ATP9B: variants seen among roughly 807,000 people sequenced by gnomAD.
ATP9B encodes the protein probable phospholipid-transporting ATPase IIB.
A neutral mutation model predicts 146.1 loss-of-function variants in ATP9B; 110 were observed. That is an observed-to-expected ratio of 0.75 (90% CI 0.65 to 0.88). The LOEUF (loss-of-function observed/expected upper bound fraction) is 0.88. Among genes scored for constraint, ATP9B ranks in the 40% least tolerant of loss-of-function variants. The pLI is 0.00. For missense variants in ATP9B, 1,499 were observed against 1,496.4 expected, an observed-to-expected ratio of 1.00 and a Z score of -0.03; for synonymous variants, 604 against 569.7, an observed-to-expected ratio of 1.06 and a Z score of -0.86.
At chr18:79,241,325 G>A (rs1420317390) in intron 11 of ATP9B, among the ~76,000 whole-genome samples, 3 of 152,008 alleles carry the variant, frequency 2.0e-5, no homozygotes, top group African/African-American at 2.4e-5. Context: ...TTATGGCCTC[G>A]CTACCTAGGG....
intron 4 of ATP9B, among the ~76,000 whole-genome samples, chr18:79,116,940 T>TAAAAAAAAAAAA (rs377608135): frequency 9.4e-6 from 1 of 106,800 alleles, no homozygotes; most frequent in Non-Finnish European, 1.9e-5. Flanking sequence ...AAAAAAAAAT[T>TAAAAAAAAAAAA]AAAAAAAAAA....
chr18:79,185,158 G>A (rs886844771), intron 8 of ATP9B, among the ~76,000 whole-genome samples: 2 of 151,866 alleles, frequency 1.3e-5, no homozygotes, highest in Non-Finnish European at 2.9e-5. Context: ...GTATCTTGAG[G>A]TGGTGGTGGT....
chr18:79,103,867 T>C (rs2075466418), intron 2 of ATP9B, among the ~76,000 whole-genome samples: 1 of 151,982 alleles, frequency 6.6e-6, no homozygotes, highest in Admixed American at 6.5e-5. Flanking sequence ...CGTTGTGAAT[T>C]GATGAGTTTG....
chr18:79,231,478 CA>C (rs1177259904), intron 11 of ATP9B, among the ~76,000 whole-genome samples: 1 of 151,982 alleles, frequency 6.6e-6, no homozygotes, highest in Non-Finnish European at 1.5e-5. Context: ...TGGCCATAAT[CA>C]AAAAATAGTA....
intron 23 of ATP9B, 141 bp downstream of exon 23, chr18:79,345,980 ACACT>A: frequency 1.1e-6 from 1 of 892,994 alleles, no homozygotes; most frequent in East Asian, 2.4e-5. Context: ...CGGTCAGCAA[ACACT>A]CAGCACATGC....
intron 15 of ATP9B, among the ~76,000 whole-genome samples, chr18:79,318,595 A>G (rs1404349742): frequency 2.6e-5 from 4 of 152,250 alleles, no homozygotes; most frequent in Non-Finnish European, 4.4e-5. Context: ...TGAGGTAGGA[A>G]TGAAGGATGT....
At chr18:79,113,384 A>G in intron 4 of ATP9B, 30 bp downstream of exon 4, 16 of 1,264,924 alleles carry the variant, frequency 1.3e-5, no homozygotes, top group Non-Finnish European at 1.5e-5. Flanking sequence ...ATTAAGTTAA[A>G]TTATGAAATA....
intron 4 of ATP9B, among the ~76,000 whole-genome samples, chr18:79,120,334 AT>A (rs1299203503): frequency 6.6e-6 from 1 of 152,082 alleles, no homozygotes; most frequent in Non-Finnish European, 1.5e-5. Flanking sequence ...GTAAAATCCT[AT>A]TTCTGTTGTT....
intron 7 of ATP9B, among the ~76,000 whole-genome samples, chr18:79,157,087 G>A (rs565319835): frequency 5.9e-5 from 9 of 152,170 alleles, no homozygotes; most frequent in East Asian, 3.9e-4. Context: ...TGGACTGGGC[G>A]TGGTGGCTCA....
intron 13 of ATP9B, among the ~76,000 whole-genome samples, chr18:79,286,427 A>C (rs1172361273): frequency 6.6e-6 from 1 of 150,976 alleles, no homozygotes; most frequent in Non-Finnish European, 1.5e-5. Context: ...TTTGTCTGTT[A>C]TTGGTGTATA....
At chr18:79,078,402 C>T (rs960916978) in intron 1 of ATP9B, among the ~76,000 whole-genome samples, 2 of 152,062 alleles carry the variant, frequency 1.3e-5, no homozygotes, top group African/African-American at 4.8e-5. Flanking sequence ...GGTCCAAGGA[C>T]CTTACTGGTC....
chr18:79,069,876 C>G (rs2071516857), intron 1 of ATP9B, among the ~76,000 whole-genome samples: 1 of 152,220 alleles, frequency 6.6e-6, no homozygotes, highest in African/African-American at 2.4e-5. Context: ...TCAGAGTCTC[C>G]GAAACTTGTT....
At chr18:79,129,022 T>C (rs2094334583) in intron 5 of ATP9B, among the ~76,000 whole-genome samples, 1 of 152,168 alleles carries the variant, frequency 6.6e-6, no homozygotes, top group Non-Finnish European at 1.5e-5. Flanking sequence ...TCCAAATAAT[T>C]GTTTCTGCCT....
At chr18:79,277,415 G>T in intron 13 of ATP9B, 1 of 462,322 alleles carries the variant, frequency 2.2e-6, no homozygotes, top group South Asian at 5.1e-5. Context: ...TTATCAAAAT[G>T]TTAAGTTCTT....
intron 12 of ATP9B, among the ~76,000 whole-genome samples, chr18:79,263,621 C>T (rs542284518): frequency 2.0e-5 from 3 of 152,252 alleles, no homozygotes; most frequent in Non-Finnish European, 2.9e-5. Flanking sequence ...TTGTCTTCTT[C>T]TCATTTCTTG....
chr18:79,274,304 A>C (rs1453046314), intron 12 of ATP9B, among the ~76,000 whole-genome samples: 1 of 152,236 alleles, frequency 6.6e-6, no homozygotes, highest in Non-Finnish European at 1.5e-5. Flanking sequence ...CTGCCAACTT[A>C]GTGTTTGAAA....
intron 15 of ATP9B, among the ~76,000 whole-genome samples, chr18:79,327,858 GGTTAGCGTGCTCTCCA>G (rs1411655090): frequency 8.9e-5 from 11 of 124,186 alleles, no homozygotes; most frequent in Admixed American, 1.6e-4. Context: ...TGCTCTCCAT[GGTTAGCGTGCTCTCCA>G]TGGATAGTGT....
chr18:79,272,330 G>A (rs1415699183), intron 12 of ATP9B, among the ~76,000 whole-genome samples: 3 of 152,184 alleles, frequency 2.0e-5, no homozygotes, highest in African/African-American at 4.8e-5. Flanking sequence ...GGCACAGCAT[G>A]TGTAAGCTGT....
At chr18:79,219,864 G>C (rs1273065370) in intron 11 of ATP9B, among the ~76,000 whole-genome samples, 6 of 152,200 alleles carry the variant, frequency 3.9e-5, no homozygotes, top group Non-Finnish European at 1.5e-5. Context: ...GATGCAACAT[G>C]GTAAGACTTT....
Sources: allele counts gnomAD v4.1 joint callset (sites outside exome capture counted in the v4.1 genomes callset), GRCh38; gene constraint gnomAD v4.1.1; transcripts MANE v1.5; gene names NCBI Gene and HGNC (gene_info 2026-07-23, HGNC 2026-07-21).